The following SUGCT variants were observed in gnomAD, a reference collection of about 807,000 sequenced individuals.
SUGCT encodes succinyl-CoA:glutarate-CoA transferase.
A neutral mutation model predicts 55.0 loss-of-function variants in SUGCT; 41 were observed. That is an observed-to-expected ratio of 0.74 (90% CI 0.58 to 0.97). The LOEUF is 0.97. Among genes scored for constraint, SUGCT ranks in the 50% least tolerant of loss-of-function variants. The pLI is 0.00. For missense variants in SUGCT, 568 were observed against 547.8 expected (o/e 1.04, Z -0.37); for synonymous variants, 187 against 200.4 (o/e 0.93, Z 0.56).
intron 9 of SUGCT, among the ~76,000 whole-genome samples, chr7:40,419,653 T>G (rs1017922882): frequency 6.6e-6 from 1 of 152,100 alleles, no homozygotes; most frequent in Non-Finnish European, 1.5e-5. Flanking sequence ...GTAGCTCAGG[T>G]CCACTGTTGA....
the SUGCT span, among the ~76,000 whole-genome samples, chr7:41,021,398 A>T: frequency 1.3e-5 from 2 of 152,186 alleles, no homozygotes; most frequent in Non-Finnish European, 2.9e-5. Flanking sequence ...GTTATACTTT[A>T]TCCAACTGTT....
intron 13 of SUGCT, among the ~76,000 whole-genome samples, chr7:40,774,789 A>G (rs905060050): frequency 6.6e-6 from 1 of 152,068 alleles, no homozygotes; most frequent in Non-Finnish European, 1.5e-5. Context: ...AAAAAAAAAA[A>G]AAACCCACAA....
intron 9 of SUGCT, among the ~76,000 whole-genome samples, chr7:40,346,930 A>G (rs1797347005): frequency 6.6e-6 from 1 of 152,210 alleles, no homozygotes; most frequent in South Asian, 2.1e-4. Context: ...AACCTTCAGA[A>G]CTATGAGAAA....
chr7:40,666,357 AG>A (rs1424688723), intron 12 of SUGCT, among the ~76,000 whole-genome samples: 39 of 134,812 alleles, frequency 2.9e-4, no homozygotes, highest in African/African-American at 7.2e-4. Context: ...CAAGAAAGAA[AG>A]GAAGGAAGGA....
intron 12 of SUGCT, among the ~76,000 whole-genome samples, chr7:40,727,131 A>G (rs946456118): frequency 2.0e-5 from 3 of 152,164 alleles, no homozygotes; most frequent in Non-Finnish European, 4.4e-5. Context: ...CTTTTTCTCT[A>G]TACAAGGATT....
chr7:40,387,372 GACAC>G (rs558853602), intron 9 of SUGCT, among the ~76,000 whole-genome samples: 101 of 152,226 alleles, frequency 6.6e-4, no homozygotes, highest in African/African-American at 2.2e-3. Context: ...ATGTAAGACT[GACAC>G]AAAGGCAGGA....
At chr7:40,909,461 T>A in the SUGCT span, among the ~76,000 whole-genome samples, 1 of 152,194 alleles carries the variant, frequency 6.6e-6, no homozygotes, top group African/African-American at 2.4e-5. Context: ...CTGAAGGTGT[T>A]GTATTTTCTG....
chr7:40,486,736 T>TTTTC (rs984969890), intron 11 of SUGCT, among the ~76,000 whole-genome samples: 1 of 151,382 alleles, frequency 6.6e-6, no homozygotes, highest in Non-Finnish European at 1.5e-5. Flanking sequence ...TTTTTTTTTT[T>TTTTC]TTCAATTGAA....
chr7:41,026,067 G>T, the SUGCT span, among the ~76,000 whole-genome samples: 25 of 152,338 alleles, frequency 1.6e-4, no homozygotes, highest in East Asian at 4.6e-3. Context: ...GCAAACGCAG[G>T]TCTATGTGTG....
chr7:40,823,850 G>A (rs898861342), intron 13 of SUGCT, among the ~76,000 whole-genome samples: 4 of 152,106 alleles, frequency 2.6e-5, no homozygotes, highest in African/African-American at 9.7e-5. Flanking sequence ...CTAGTCCCAC[G>A]AAATTGTCCT....
chr7:40,953,808 T>C, the SUGCT span, among the ~76,000 whole-genome samples: 1 of 152,356 alleles, frequency 6.6e-6, no homozygotes, highest in South Asian at 2.1e-4. Flanking sequence ...ATCATTCCTC[T>C]GGAAGTTTTG....
At chr7:40,711,694 C>T (rs1785732098) in intron 12 of SUGCT, among the ~76,000 whole-genome samples, 1 of 152,190 alleles carries the variant, frequency 6.6e-6, no homozygotes, top group South Asian at 2.1e-4. Flanking sequence ...TTCGCTGCTC[C>T]CTATGGAACC....
At chr7:41,017,198 C>G in the SUGCT span, among the ~76,000 whole-genome samples, 1 of 152,098 alleles carries the variant, frequency 6.6e-6, no homozygotes, top group Non-Finnish European at 1.5e-5. Context: ...TCAGGAATTC[C>G]CTTTCTATAT....
At chr7:40,303,740 C>G (rs960745179) in intron 8 of SUGCT, among the ~76,000 whole-genome samples, 4 of 152,168 alleles carry the variant, frequency 2.6e-5, no homozygotes, top group Admixed American at 6.5e-5. Context: ...CTAAGGAATG[C>G]CTACATGCAT....
intron 9 of SUGCT, among the ~76,000 whole-genome samples, chr7:40,337,659 G>T (rs868860366): frequency 2.0e-5 from 3 of 152,094 alleles, no homozygotes; most frequent in Non-Finnish European, 4.4e-5. Flanking sequence ...TGTGAGATGG[G>T]TCTCCTGAAT....
chr7:40,219,660 G>A lies in SUGCT; in HGVS notation c.485-17975G>A, dbSNP rs190569893. 2.3e-3 allele frequency among the ~76,000 whole-genome samples: 342 copies of A among 151,996 alleles called. 3 individuals carry two copies. Among genetic ancestry groups the A allele is most frequent in the Non-Finnish European group, 1.3e-3 (86 of 68,016 alleles). On this transcript the variant is annotated intron_variant, in intron 6 of 13. Coordinates refer to ENST00000335693, the MANE Select transcript of SUGCT (RefSeq NM_001193313.2). ...CTCCACCAGGTATGCCAATCACGGG[G>A]GTAGGGGTGGTGACTCTTCTGTTTG...
chr7:40,965,968 T>C, the SUGCT span: 1 of 152,188 alleles, frequency 6.6e-6, no homozygotes, highest in African/African-American at 2.4e-5. Flanking sequence ...GGTTTCAGGG[T>C]GTTTCCCCCG....
intron 1 of SUGCT, among the ~76,000 whole-genome samples, chr7:40,137,012 GA>G (rs200146837): frequency 3.1e-3 from 458 of 146,240 alleles, no homozygotes; most frequent in African/African-American, 0.01. Context: ...CACCCCACTG[GA>G]AAAAAAAAAG....
chr7:40,263,426 C>T (rs1023170219), intron 7 of SUGCT, among the ~76,000 whole-genome samples: 1 of 152,114 alleles, frequency 6.6e-6, no homozygotes, highest in Non-Finnish European at 1.5e-5. Flanking sequence ...GATCATGAAG[C>T]CCTGAGGAAG....
Sources: allele counts gnomAD v4.1 joint callset (sites outside exome capture counted in the v4.1 genomes callset), GRCh38; gene constraint gnomAD v4.1.1; transcripts MANE v1.5; gene names NCBI Gene and HGNC (gene_info 2026-07-23, HGNC 2026-07-21).